The following KARS1 variants were observed in gnomAD, a reference collection of about 807,000 sequenced individuals.
KARS1 encodes the protein lysyl-tRNA synthetase 1, also known as lysine--tRNA ligase.
KARS1 carries 50 observed loss-of-function variants against 63.9 expected under a neutral mutation model. The observed-to-expected ratio is 0.78, with a 90% confidence interval of 0.62 to 0.99. KARS1 has a LOEUF of 0.99. Among genes scored for constraint, KARS1 ranks in the 50% least tolerant of loss-of-function variants. The pLI is 0.00. For missense variants in KARS1, 816 were observed against 754.5 expected, an observed-to-expected ratio of 1.08 and a Z score of -0.95; for synonymous variants, 320 against 264.6, an observed-to-expected ratio of 1.21 and a Z score of -2.03.
chr16:75,630,164 T>C (rs1178682428), intron 11 of KARS1, among the ~76,000 whole-genome samples: 1 of 152,144 alleles, frequency 6.6e-6, no homozygotes, highest in African/African-American at 2.4e-5. Context: ...ACCACCATGC[T>C]GAAGGGAAGC....
intron 13 of KARS1, 75 bp downstream of exon 13, chr16:75,628,494 C>G: frequency 6.4e-7 from 1 of 1,552,462 alleles, no homozygotes; most frequent in Non-Finnish European, 8.9e-7. Context: ...TTTTATCCTC[C>G]AGGCCCACCA....
Position 75,636,048 on chromosome 16 carries a change from C to A in KARS1, c.533G>T (p.Arg178Leu), listed in dbSNP as rs201230388. ...CCCCTGAACTCCAATTATGTCTCCC[C>A]GACGCAGTTTGTTATTAATATGAAT... Reference protein sequence around the residue: ...EFIHINNKLRRGDIIGVQGNP... With the variant: ...EFIHINNKLRLGDIIGVQGNP... The change falls in exon 5 of 14, where the codon CGG (arginine) becomes CTG (leucine). Residue 178 changes from arginine to leucine, a missense_variant. By Grantham distance (102) the Arg-to-Leu change is moderately radical (BLOSUM62 -2). Coordinates refer to ENST00000302445, the MANE Select transcript of KARS1 (RefSeq NM_005548.3). 1.2e-6 allele frequency: 2 copies of A among 1,607,800 alleles called. No individual in the cohort carries two copies. Among genetic ancestry groups the A allele is most frequent in the Non-Finnish European group, 1.7e-6 (2 of 1,174,330 alleles).
At chr16:75,645,653 C>G (rs1261531980) in intron 1 of KARS1, among the ~76,000 whole-genome samples, 1 of 152,074 alleles carries the variant, frequency 6.6e-6, no homozygotes, top group African/African-American at 2.4e-5. Flanking sequence ...TTGACGCCAG[C>G]CTGGGCAACA....
Position 75,641,823 on chromosome 16 carries a change from A to G in KARS1, c.63-100T>C. On this transcript the variant is annotated intron_variant, in intron 1 of 13. Coordinates refer to ENST00000302445, the MANE Select transcript of KARS1 (RefSeq NM_005548.3). The stretch of plus-strand genomic sequence containing the variant: ...CAAAAACATGAATCGCCCAGGAGAA[A>G]CGCTCTTGCTCAGTTCTATACCCCT... 4 of 1,270,682 alleles carry G rather than the reference A, an allele frequency of 3.1e-6. No individual in the cohort carries two copies. The Admixed American group carries it at 6.8e-5, about 22-fold the overall frequency. 78.7% of individuals were successfully genotyped at this position (1,270,682 alleles called of 1,614,324 possible).
intron 1 of KARS1, chr16:75,644,541 G>C (rs1323860266): frequency 5.7e-6 from 6 of 1,049,944 alleles, no homozygotes; most frequent in Non-Finnish European, 8.0e-6. Flanking sequence ...TATGGGTTGG[G>C]GAGGGGGACC....
intron 3 of KARS1, 55 bp downstream of exon 3, chr16:75,640,125 CTGAA>C: frequency 6.8e-7 from 1 of 1,467,652 alleles, no homozygotes. Context: ...CCTTGTGCTA[CTGAA>C]GCCGCAGGCC....
At position 75,628,245 on chromosome 16, in the gene KARS1, G is replaced by C. The variant is rs182467493; in HGVS notation, c.1696-252C>G. On this transcript the variant is annotated intron_variant, in intron 13 of 13. Coordinates refer to ENST00000302445, the MANE Select transcript of KARS1 (RefSeq NM_005548.3). ...AATAGACGCATTTCTATGAAAATTT[G>C]ATTTCCTCATCTATAAAAATGGGAA... Among the ~76,000 whole-genome samples, 269 of 152,300 alleles carry C rather than the reference G, an allele frequency of 1.8e-3. 3 individuals are homozygous for C. The highest frequency in any genetic ancestry group is 0.017 in the Admixed American group (267 of 15,296).
At chr16:75,636,427 G>T (rs764983680) in intron 4 of KARS1, 27 bp downstream of exon 4, 1 of 1,428,604 alleles carries the variant, frequency 7.0e-7, no homozygotes, top group Non-Finnish European at 9.9e-7. Context: ...AACCAAGAAA[G>T]GTCTATAACT....
At chr16:75,645,618 G>A (rs148939716) in intron 1 of KARS1, among the ~76,000 whole-genome samples, 3 of 152,034 alleles carry the variant, frequency 2.0e-5, no homozygotes, top group Admixed American at 6.6e-5. Flanking sequence ...GGGTTGAGGC[G>A]GACGGATCAC....
At position 75,641,583 on chromosome 16, in the gene KARS1, T is replaced by A. The variant is rs143013322; in HGVS notation, c.203A>T (p.Glu68Val). The change falls in exon 2 of 14, where the codon GAA (glutamate) becomes GTA (valine). Residue 68 changes from glutamate (E) to valine (V), a missense_variant. Transcript: ENST00000302445. Reference protein sequence around the residue: ...HTTDNGVGPEEESVDPNQYYK... With the variant: ...HTTDNGVGPEVESVDPNQYYK... Reference sequence around the variant, plus strand: ...ACTCACATTTGGGTCCACGCTCTCTTCCTCAGGACCCACACCATTATCAGT... The same window carrying A: ...ACTCACATTTGGGTCCACGCTCTCTACCTCAGGACCCACACCATTATCAGT... 6.2e-7 allele frequency: 1 copy of A among 1,613,902 alleles called. No homozygotes were observed.
At chr16:75,629,753 A>G (rs955602132) in intron 11 of KARS1, among the ~76,000 whole-genome samples, 6 of 152,162 alleles carry the variant, frequency 3.9e-5, no homozygotes, top group African/African-American at 9.7e-5. Context: ...CCATGCCACT[A>G]TGCCTGGCTA....
intron 13 of KARS1, among the ~76,000 whole-genome samples, 161 bp downstream of exon 13, chr16:75,628,408 A>G (rs2082074710): frequency 6.6e-6 from 1 of 152,228 alleles, no homozygotes; most frequent in Admixed American, 6.5e-5. Context: ...CTTTAAGGTC[A>G]GAGGCTCTGG....
In KARS1 at chr16:75,642,185, C is replaced by CTTTTT. The variant is rs148991591; in HGVS notation, c.63-467_63-463dup. ...AGGTGAAGTTCCAACAGTGCCAGGTCTTTTTTTTTTTTTTTTTTTTTTTTT... is the reference window on the plus strand; with the variant it reads ...AGGTGAAGTTCCAACAGTGCCAGGTCTTTTTTTTTTTTTTTTTTTTTTTTTTTTTT... On this transcript the variant is annotated intron_variant, in intron 1 of 13. Transcript: ENST00000302445. 1.2e-3 allele frequency among the ~76,000 whole-genome samples: 76 copies of CTTTTT among 63,176 alleles called. 2 individuals are homozygous for CTTTTT. The highest frequency in any genetic ancestry group is 3.0e-3 in the East Asian group (3 of 1,010). 41.4% of individuals were successfully genotyped at this position (63,176 alleles called of 152,430 possible). A position where few individuals can be genotyped will look rare whatever the true frequency, so the allele number is the denominator to read the frequency against.
intron 3 of KARS1, among the ~76,000 whole-genome samples, chr16:75,637,567 G>C (rs2082175603): frequency 6.6e-6 from 1 of 151,966 alleles, no homozygotes; most frequent in African/African-American, 2.4e-5. Context: ...CGTAAGGCTG[G>C]GAGTTCAAGA....
chr16:75,637,306 G>T (rs2082172728), intron 3 of KARS1, among the ~76,000 whole-genome samples: 1 of 151,974 alleles, frequency 6.6e-6, no homozygotes, highest in African/African-American at 2.4e-5. Flanking sequence ...TCTATACGGG[G>T]AAAAAGCAGT....
rs764666612 is a variant in KARS1 at position 75,630,511 on chromosome 16, T to C, written c.1339-3A>G. ...ACTTCCAGGAACTCCCCAACAAGCTTAATGAGAAAGCAAAGCAGAGTCAGT... is the reference window on the plus strand; with the variant it reads ...ACTTCCAGGAACTCCCCAACAAGCTCAATGAGAAAGCAAAGCAGAGTCAGT... On this transcript the variant is annotated splice_region_variant and splice_polypyrimidine_tract_variant and intron_variant, in intron 10 of 13. Transcript: ENST00000302445. The C allele has an allele frequency of 3.1e-6, 5 of 1,596,034 alleles. No homozygotes were observed. The highest frequency in any genetic ancestry group is 4.3e-6 in the Non-Finnish European group (5 of 1,164,184).
rs1325121981 is a variant in KARS1, at chr16:75,628,557, G to T, written c.1695+12C>A. Reference sequence around the variant, plus strand: ...CCTCAGGAAGTGTGCTCTGTGGAGGGTTGCTACGTACCTTGATGTTGTTGG... The same window carrying T: ...CCTCAGGAAGTGTGCTCTGTGGAGGTTTGCTACGTACCTTGATGTTGTTGG... On this transcript the variant is annotated intron_variant, in intron 13 of 13. Transcript: ENST00000302445. The T allele has an allele frequency of 6.2e-7, 1 of 1,613,316 alleles. No homozygotes were observed.
chr16:75,628,536 AG>A (rs1449533964), intron 13 of KARS1, 32 bp downstream of exon 13: 1 of 1,611,840 alleles, frequency 6.2e-7, no homozygotes, highest in Non-Finnish European at 8.5e-7. Context: ...CAGCTTCCTC[AG>A]GAAGTGTGCT....
At chr16:75,647,449 T>C (rs1449169038) in intron 1 of KARS1, 129 bp downstream of exon 1, 6 of 878,542 alleles carry the variant, frequency 6.8e-6, no homozygotes, top group Non-Finnish European at 1.1e-5. Flanking sequence ...CCACCACGTC[T>C]CAGCATGTGC....
Sources: allele counts gnomAD v4.1 joint callset (sites outside exome capture counted in the v4.1 genomes callset), GRCh38; gene constraint gnomAD v4.1.1; transcripts MANE v1.5; gene names NCBI Gene and HGNC (gene_info 2026-07-23, HGNC 2026-07-21).